The following PDS5B variants were observed in gnomAD, a reference collection of about 807,000 sequenced individuals.
PDS5B encodes the protein sister chromatid cohesion protein PDS5 homolog B.
Under a neutral mutation model 184.1 loss-of-function variants are expected in PDS5B, and 51 were observed. That is an observed-to-expected ratio of 0.28 (90% confidence interval 0.22 to 0.35). PDS5B has a LOEUF of 0.35. PDS5B is among the 10% of genes least tolerant of loss of function. The probability of loss-of-function intolerance (pLI) is 1.00; values close to 1 mark genes in which losing one functional copy is unlikely to be tolerated. For missense variants in PDS5B, 1,180 were observed against 1,723.3 expected, an observed-to-expected ratio of 0.68 and a Z score of 5.58; for synonymous variants, 566 against 569.2, an observed-to-expected ratio of 0.99 and a Z score of 0.08.
chr13:32,694,189 T>C (rs1481552853), intron 13 of PDS5B, 34 bp from the exon 14 acceptor site: 2 of 1,384,000 alleles, frequency 1.4e-6, no homozygotes, highest in Non-Finnish European at 2.0e-6. Flanking sequence ...TTATTCTGTT[T>C]TGTTATTTAA....
chr13:32,632,122 A>G (rs531083900), intron 1 of PDS5B, among the ~76,000 whole-genome samples: 1 of 152,354 alleles, frequency 6.6e-6, no homozygotes, highest in South Asian at 2.1e-4. Flanking sequence ...AGAAGAAAAT[A>G]TGGGAGTAGA....
chr13:32,711,166 G>A (rs564767414), intron 19 of PDS5B, among the ~76,000 whole-genome samples: 9 of 150,460 alleles, frequency 6.0e-5, no homozygotes, highest in East Asian at 2.0e-4. Context: ...CTAATTTTTT[G>A]TAGAGACAGG....
At position 32,735,234 on chromosome 13, in the gene PDS5B, T is replaced by A; in HGVS notation, c.2310T>A (p.Ile770=). 8 of 1,612,726 alleles carry A rather than the reference T, an allele frequency of 5.0e-6. No individual in the cohort carries two copies. The highest frequency in any genetic ancestry group is 6.8e-6 in the Non-Finnish European group (8 of 1,178,948). Residue 770 remains isoleucine, a synonymous_variant, in exon 21 of 35, where the codon ATT becomes ATA. Transcript: ENST00000315596. The stretch of plus-strand genomic sequence containing the variant: ...ATCTCATAACACCATTGGTTACTAT[T>A]GGTCATATTGCTCTCCTTGCACCTG... The part of the protein sequence containing the change: ...LEHLITPLVT[I]GHIALLAPDQ...
At chr13:32,694,547 GT>G (rs1362412096) in intron 14 of PDS5B, among the ~76,000 whole-genome samples, 1 of 151,748 alleles carries the variant, frequency 6.6e-6, no homozygotes, top group Non-Finnish European at 1.5e-5. Flanking sequence ...TGTACTCAAA[GT>G]TTTTTGGTAG....
At chr13:32,641,104 T>G (rs1374281447) in intron 1 of PDS5B, among the ~76,000 whole-genome samples, 2 of 152,108 alleles carry the variant, frequency 1.3e-5, no homozygotes, top group African/African-American at 2.4e-5. Flanking sequence ...TACTATAGTT[T>G]ATAAAATAGA....
intron 1 of PDS5B, among the ~76,000 whole-genome samples, chr13:32,619,083 A>G (rs902051096): frequency 6.6e-5 from 10 of 152,208 alleles, no homozygotes; most frequent in African/African-American, 2.2e-4. Flanking sequence ...TGGCAGGGCA[A>G]ATACCCCTAC....
At chr13:32,724,303 A>T (rs138743382) in intron 19 of PDS5B, among the ~76,000 whole-genome samples, 6 of 151,750 alleles carry the variant, frequency 4.0e-5, no homozygotes, top group Non-Finnish European at 8.8e-5. Flanking sequence ...TTTTGTAGAG[A>T]TGGAGTCTCT....
chr13:32,609,145 A>T (rs765962091), intron 1 of PDS5B, among the ~76,000 whole-genome samples: 2 of 152,224 alleles, frequency 1.3e-5, no homozygotes, highest in Non-Finnish European at 2.9e-5. Flanking sequence ...TGCTGTGCAT[A>T]ATGCAACTAT....
At chr13:32,658,368 T>G (rs1950569312) in intron 4 of PDS5B, 43 bp downstream of exon 4, 3 of 1,416,846 alleles carry the variant, frequency 2.1e-6, no homozygotes, top group Non-Finnish European at 3.0e-6. Flanking sequence ...TTAAACTGAT[T>G]TTTTTGTTTG....
intron 10 of PDS5B, among the ~76,000 whole-genome samples, chr13:32,680,947 A>G (rs1163033535): frequency 2.6e-5 from 4 of 152,150 alleles, no homozygotes; most frequent in Non-Finnish European, 5.9e-5. Flanking sequence ...GTGTGCACCA[A>G]TTTGATTTGT....
chr13:32,653,464 C>T (rs749973245), intron 3 of PDS5B, among the ~76,000 whole-genome samples: 5 of 152,094 alleles, frequency 3.3e-5, no homozygotes, highest in Non-Finnish European at 5.9e-5. Context: ...AAAACCCAGG[C>T]ATGGTTCTTG....
rs4057303 is a variant in PDS5B at position 32,676,932 on chromosome 13, C to CAAA, written c.962+995_962+997dup. On this transcript the variant is annotated intron_variant, in intron 9 of 34. Transcript: ENST00000315596. ...GGCGACAGAGCGAGACTCTTGTCTCCAAAAAAAAAAAAAAAAAAAAAAAAG... is the reference window on the plus strand; with the variant it reads ...GGCGACAGAGCGAGACTCTTGTCTCCAAAAAAAAAAAAAAAAAAAAAAAAAAAG... 8.8e-3 allele frequency among the ~76,000 whole-genome samples: 693 copies of CAAA among 78,810 alleles called. 17 individuals are homozygous for CAAA. Among genetic ancestry groups the CAAA allele is most frequent in the African/African-American group, 0.029 (581 of 19,704 alleles). The allele number at this position is 78,810 out of a possible 152,430, so 51.7% of individuals were successfully genotyped here.
At chr13:32,598,033 G>A (rs2057908188) in intron 1 of PDS5B, among the ~76,000 whole-genome samples, 1 of 151,900 alleles carries the variant, frequency 6.6e-6, no homozygotes, top group Non-Finnish European at 1.5e-5. Flanking sequence ...AAAATCAGAC[G>A]AGACGTTTCC....
chr13:32,734,917 A>G (rs12877529), intron 20 of PDS5B, among the ~76,000 whole-genome samples: 8 of 152,036 alleles, frequency 5.3e-5, no homozygotes, highest in Non-Finnish European at 1.2e-4. Flanking sequence ...TCTTTACCCT[A>G]CCTCTAAACT....
chr13:32,641,218 G>GA (rs1480775631), intron 1 of PDS5B, among the ~76,000 whole-genome samples: 10 of 152,124 alleles, frequency 6.6e-5, no homozygotes, highest in Non-Finnish European at 1.5e-4. Flanking sequence ...CCCCAAAGAT[G>GA]AAAGGAACTA....
At chr13:32,720,603 TTTTTTA>T (rs769386672) in intron 19 of PDS5B, among the ~76,000 whole-genome samples, 180 of 151,750 alleles carry the variant, frequency 1.2e-3, no homozygotes, top group Non-Finnish European at 1.8e-3. Context: ...TTTATCTTTA[TTTTTTA>T]TTTTTATTTA....
At chr13:32,587,002 G>T (rs1463142876) in intron 1 of PDS5B, among the ~76,000 whole-genome samples, 2 of 138,202 alleles carry the variant, frequency 1.4e-5, no homozygotes, top group African/African-American at 5.4e-5. Context: ...CGCCGCCGCC[G>T]TCGCCGCCGC....
In PDS5B at chr13:32,775,273, C is replaced by T. The variant is rs944014066; in HGVS notation, c.*221C>T. On this transcript the variant is annotated 3_prime_UTR_variant, in exon 35 of 35. Coordinates refer to ENST00000315596, the MANE Select transcript of PDS5B (RefSeq NM_015032.4). ...TGGAGTCTTGTGAAAGTGTAATGTG[C>T]GATGGCTATGTAGACATAAAGAAGA... The T allele has an allele frequency of 2.4e-5, 13 of 546,964 alleles. No individual in the cohort carries two copies. Among genetic ancestry groups the T allele is most frequent in the Non-Finnish European group, 3.9e-5 (12 of 308,172 alleles). 33.9% of individuals were successfully genotyped at this position (546,964 alleles called of 1,614,324 possible).
chr13:32,661,436 A>G (rs1950646242), intron 6 of PDS5B, among the ~76,000 whole-genome samples: 1 of 150,348 alleles, frequency 6.7e-6, no homozygotes. Flanking sequence ...AAAAATGACC[A>G]CCAAAATATA....
Sources: allele counts gnomAD v4.1 joint callset (sites outside exome capture counted in the v4.1 genomes callset), GRCh38; gene constraint gnomAD v4.1.1; transcripts MANE v1.5; gene names NCBI Gene and HGNC (gene_info 2026-07-23, HGNC 2026-07-21).